Variants in CEP112 observed in about 807,000 individuals in gnomAD.
The protein encoded by CEP112 is centrosomal protein 112, also known as centrosomal protein of 112 kDa.
CEP112 carries 127 observed loss-of-function variants against 153.0 expected under a neutral mutation model. That is an observed-to-expected ratio of 0.83 (90% CI 0.72 to 0.96). CEP112 has a LOEUF of 0.96. Ranked by LOEUF, CEP112 falls within the 40% of genes least tolerant of loss-of-function variation. CEP112 has a pLI of 0.00. For missense variants in CEP112, 1,089 were observed against 1,101.2 expected (o/e 0.99, Z 0.16); for synonymous variants, 358 against 374.4 (o/e 0.96, Z 0.51).
rs750876998 is a variant in CEP112, at chr17:65,984,624, A to G, written c.1736+21066T>C. ...GAAAGAAAGGAATGGCTTATATGAC[A>G]CAATCCTGGAACTCTGCCTAACACA... On this transcript the variant is annotated intron_variant, in intron 17 of 26. Transcript: ENST00000535342. Among the ~76,000 whole-genome samples, 45 of 152,294 alleles carry G rather than the reference A, an allele frequency of 3.0e-4. 1 individual carries two copies. Among genetic ancestry groups the G allele is most frequent in the Non-Finnish European group, 4.4e-5 (3 of 68,018 alleles).
chr17:65,993,224 G>C (rs1199241808), intron 17 of CEP112, among the ~76,000 whole-genome samples: 1 of 152,158 alleles, frequency 6.6e-6, no homozygotes, highest in Non-Finnish European at 1.5e-5. Context: ...AGTTTGCTGA[G>C]GATAATGGCT....
intron 4 of CEP112, among the ~76,000 whole-genome samples, chr17:66,133,143 CATTTA>C (rs1195209020): frequency 6.6e-6 from 1 of 151,698 alleles, no homozygotes; most frequent in Non-Finnish European, 1.5e-5. Flanking sequence ...TATTTCATTT[CATTTA>C]AATTATAAGA....
intron 21 of CEP112, among the ~76,000 whole-genome samples, chr17:65,751,541 T>C (rs1376044666): frequency 6.6e-6 from 1 of 152,168 alleles, no homozygotes; most frequent in African/African-American, 2.4e-5. Context: ...GGCTGGTCAT[T>C]ACTCTCATGA....
In CEP112 at chr17:65,782,079, T is replaced by C. The variant is rs113046096; in HGVS notation, c.2395-31355A>G. 7.3e-3 allele frequency among the ~76,000 whole-genome samples: 1,110 copies of C among 152,058 alleles called. 16 individuals are homozygous for C. The highest frequency in any genetic ancestry group is 0.025 in the African/African-American group (1,046 of 41,482). On this transcript the variant is annotated intron_variant, in intron 21 of 26. Transcript: ENST00000535342. ...CAGAGTAAACAGACACACTACAGAA[T>C]AGGAGAAAATATTAGCAAACTATGC...
intron 8 of CEP112, among the ~76,000 whole-genome samples, chr17:66,093,081 C>T (rs934608410): frequency 4.1e-4 from 63 of 152,236 alleles, no homozygotes; most frequent in African/African-American, 1.5e-3. Flanking sequence ...TGTAATCAAT[C>T]CCAGCACTTT....
chr17:66,176,874 G>A lies in CEP112; in HGVS notation c.253C>T (p.His85Tyr), dbSNP rs2072498766. 3.7e-6 allele frequency: 6 copies of A among 1,613,346 alleles called. No homozygotes were observed. The highest frequency in any genetic ancestry group is 4.5e-5 in the East Asian group (2 of 44,872). The part of the protein sequence containing the change: ...KRGALEGPFT[H>Y]RPEPGTLKIL... ...TTTAGTGTCCCGGGTTCAGGTCGGT[G>A]TGTAAAAGGGCCTTCAAGCGCACCT... The change falls in exon 3 of 27, where the codon CAC (histidine) becomes TAC (tyrosine). Residue 85 changes from histidine to tyrosine, a missense_variant. Transcript: ENST00000535342.
chr17:65,652,046 A>T (rs2045809653), intron 24 of CEP112, among the ~76,000 whole-genome samples: 1 of 152,202 alleles, frequency 6.6e-6, no homozygotes, highest in Non-Finnish European at 1.5e-5. Flanking sequence ...TACAAATGGC[A>T]AAAAATGCTC....
At chr17:66,083,678 G>A (rs995824416) in intron 8 of CEP112, among the ~76,000 whole-genome samples, 4 of 152,090 alleles carry the variant, frequency 2.6e-5, no homozygotes, top group South Asian at 2.1e-4. Flanking sequence ...GTGAAACCCC[G>A]TCTCTACTGT....
At chr17:65,914,660 A>G (rs961839404) in intron 19 of CEP112, among the ~76,000 whole-genome samples, 1 of 152,162 alleles carries the variant, frequency 6.6e-6, no homozygotes, top group Admixed American at 6.5e-5. Flanking sequence ...CAAATTAAGC[A>G]TGCTGCTCTT....
chr17:66,187,762 T>C lies in CEP112; in HGVS notation c.-9+4235A>G, dbSNP rs145055241. 7.9e-5 allele frequency among the ~76,000 whole-genome samples: 12 copies of C among 152,324 alleles called. No homozygotes were observed. In the East Asian group the frequency reaches 2.3e-3, roughly 29 times the overall value. On this transcript the variant is annotated intron_variant, in intron 1 of 26. Coordinates refer to ENST00000535342, the MANE Select transcript of CEP112 (RefSeq NM_001199165.4). ...TTTTATTTCAAACTCCAGCCTCTCT[T>C]TGCAACTCCAGACTCATTTACAATA...
intron 24 of CEP112, among the ~76,000 whole-genome samples, chr17:65,645,115 ATATACT>A (rs1221942220): frequency 3.3e-5 from 5 of 151,842 alleles, no homozygotes; most frequent in South Asian, 2.1e-4. Context: ...TATTATATAT[ATATACT>A]TATATGTATT....
At chr17:66,091,755 T>C (rs1455353931) in intron 8 of CEP112, among the ~76,000 whole-genome samples, 1 of 151,914 alleles carries the variant, frequency 6.6e-6, no homozygotes, top group African/African-American at 2.4e-5. Context: ...AGTTAGTTAT[T>C]TGAAAAGATA....
chr17:65,669,827 C>T (rs183008397), intron 24 of CEP112, among the ~76,000 whole-genome samples: 6 of 151,268 alleles, frequency 4.0e-5, no homozygotes, highest in East Asian at 3.9e-4. Context: ...GGCGTGAACC[C>T]GGGAGGCGGA....
At chr17:66,121,083 A>T (rs1285179807) in intron 6 of CEP112, among the ~76,000 whole-genome samples, 1 of 152,116 alleles carries the variant, frequency 6.6e-6, no homozygotes, top group Non-Finnish European at 1.5e-5. Flanking sequence ...GTTCGAGACC[A>T]GTCTGACCAA....
At chr17:65,927,118 ATTT>A (rs2060954351) in intron 19 of CEP112, among the ~76,000 whole-genome samples, 1 of 152,166 alleles carries the variant, frequency 6.6e-6, no homozygotes, top group African/African-American at 2.4e-5. Flanking sequence ...TGACCTGGTC[ATTT>A]AAAAGTGTAC....
chr17:66,110,648 T>C (rs1272080423), intron 6 of CEP112, among the ~76,000 whole-genome samples: 1 of 148,304 alleles, frequency 6.7e-6, no homozygotes, highest in Non-Finnish European at 1.5e-5. Context: ...ATGGCCTCAA[T>C]CTAGAAAAGA....
intron 18 of CEP112, chr17:65,941,336 CTAAA>C (rs1326552433): frequency 6.6e-6 from 1 of 151,920 alleles, no homozygotes; most frequent in Non-Finnish European, 1.5e-5. Context: ...TATCTTCTAT[CTAAA>C]TAATTTAAAA....
chr17:65,749,505 C>G lies in CEP112; in HGVS notation c.2457+1157G>C, dbSNP rs1286445118. 3.3e-5 allele frequency among the ~76,000 whole-genome samples: 5 copies of G among 151,340 alleles called. No individual in the cohort carries two copies. The East Asian group carries it at 9.7e-4, about 29-fold the overall frequency. On this transcript the variant is annotated intron_variant, in intron 22 of 26. Transcript: ENST00000535342. ...CCTGGGCAACAGAGCGAGGCTCTGTCTCAAAAAAAAATAAATAAATAAAAT... is the reference window on the plus strand; with the variant it reads ...CCTGGGCAACAGAGCGAGGCTCTGTGTCAAAAAAAAATAAATAAATAAAAT...
At chr17:65,735,471 C>T (rs1164790311) in intron 23 of CEP112, among the ~76,000 whole-genome samples, 1 of 151,936 alleles carries the variant, frequency 6.6e-6, no homozygotes, top group Non-Finnish European at 1.5e-5. Flanking sequence ...AAAATCAATA[C>T]AGACGCTCTT....
Sources: gnomAD v4.1 joint callset for allele counts (sites outside exome capture counted in the v4.1 genomes callset) on GRCh38, gnomAD v4.1.1 for gene constraint, MANE v1.5 for transcripts, NCBI Gene and HGNC (gene_info 2026-07-23, HGNC 2026-07-21) for gene names.